The following CNBD1 variants were observed in gnomAD, a reference collection of about 807,000 sequenced individuals.
The protein encoded by CNBD1 is cyclic nucleotide-binding domain-containing protein 1.
CNBD1 carries 71 observed loss-of-function variants against 54.4 expected under a neutral mutation model. The ratio of observed to expected loss-of-function variants is 1.30; its 90% CI spans 1.08 to 1.59. CNBD1 has a LOEUF of 1.59. Among genes scored for constraint, CNBD1 ranks in the 40% most tolerant of loss-of-function variants. CNBD1 has a pLI of 0.00. For missense variants in CNBD1, 659 were observed against 518.0 expected, an observed-to-expected ratio of 1.27 and a Z score of -2.64; for synonymous variants, 182 against 170.7, an observed-to-expected ratio of 1.07 and a Z score of -0.51.
intron 4 of CNBD1, among the ~76,000 whole-genome samples, chr8:86,999,830 C>T (rs1808956148): frequency 1.3e-5 from 2 of 152,154 alleles, no homozygotes; most frequent in East Asian, 1.9e-4. Flanking sequence ...CTCTTCAAAG[C>T]ATCAGTGTTA....
At chr8:87,225,013 TG>T (rs1235455340) in intron 5 of CNBD1, among the ~76,000 whole-genome samples, 1 of 152,082 alleles carries the variant, frequency 6.6e-6, no homozygotes, top group African/African-American at 2.4e-5. Context: ...CAATTGTGAA[TG>T]GGAGTTCACT....
At chr8:87,040,121 A>G (rs1017835862) in intron 4 of CNBD1, among the ~76,000 whole-genome samples, 22 of 152,190 alleles carry the variant, frequency 1.4e-4, no homozygotes, top group African/African-American at 5.1e-4. Flanking sequence ...CTAAACCATA[A>G]TCTCTAATCT....
intron 10 of CNBD1, among the ~76,000 whole-genome samples, chr8:87,356,754 C>G (rs749889559): frequency 3.3e-5 from 5 of 152,182 alleles, no homozygotes; most frequent in Non-Finnish European, 7.3e-5. Flanking sequence ...GGAGCAACAA[C>G]TTGCTAGAGG....
At chr8:87,024,414 AC>A (rs1809581009) in intron 4 of CNBD1, among the ~76,000 whole-genome samples, 1 of 151,440 alleles carries the variant, frequency 6.6e-6, no homozygotes, top group South Asian at 2.1e-4. Context: ...ATCTTGGCTC[AC>A]TGCAACCTTT....
At chr8:87,266,438 C>CTTTTTTTTTTTT (rs72293236) in intron 6 of CNBD1, among the ~76,000 whole-genome samples, 2 of 50,122 alleles carry the variant, frequency 4.0e-5, no homozygotes, top group Non-Finnish European at 3.3e-5. Flanking sequence ...AAAAAAAAAT[C>CTTTTTTTTTTTT]TTTTTTTTTT....
intron 6 of CNBD1, among the ~76,000 whole-genome samples, chr8:87,264,466 C>G (rs935870337): frequency 6.6e-6 from 1 of 152,088 alleles, no homozygotes; most frequent in African/African-American, 2.4e-5. Flanking sequence ...CATACATGTG[C>G]GTGTGTCTTT....
intron 3 of CNBD1, among the ~76,000 whole-genome samples, chr8:86,928,006 A>G (rs1809392619): frequency 6.6e-6 from 1 of 152,044 alleles, no homozygotes; most frequent in Non-Finnish European, 1.5e-5. Flanking sequence ...TGCCACCTTA[A>G]CTGCAGTGGA....
At chr8:87,416,552 T>A (rs560380181) in intron 2 of CNBD1, among the ~76,000 whole-genome samples, 1 of 152,154 alleles carries the variant, frequency 6.6e-6, no homozygotes, top group Admixed American at 6.6e-5. Flanking sequence ...AGAACAGGGT[T>A]GGAGACCCTT....
At chr8:87,280,257 G>C (rs145290695) in intron 6 of CNBD1, among the ~76,000 whole-genome samples, 3 of 151,596 alleles carry the variant, frequency 2.0e-5, no homozygotes, top group African/African-American at 7.2e-5. Context: ...TTTTATAAAG[G>C]CCATTGGAGT....
chr8:87,309,205 A>G (rs929855218), intron 8 of CNBD1, among the ~76,000 whole-genome samples: 1 of 152,170 alleles, frequency 6.6e-6, no homozygotes, highest in African/African-American at 2.4e-5. Flanking sequence ...CCTACCAACA[A>G]TGTATAAGAC....
chr8:87,018,703 T>A (rs1243142768), intron 4 of CNBD1, among the ~76,000 whole-genome samples: 1 of 152,166 alleles, frequency 6.6e-6, no homozygotes, highest in Non-Finnish European at 1.5e-5. Context: ...TCATTTGGCA[T>A]CCTACTGGGC....
intron 4 of CNBD1, among the ~76,000 whole-genome samples, chr8:87,188,895 A>G (rs1273833482): frequency 6.7e-6 from 1 of 149,422 alleles, no homozygotes; most frequent in Non-Finnish European, 1.5e-5. Context: ...TCTGAACCTG[A>G]CATGTAGTTA....
intron 4 of CNBD1, among the ~76,000 whole-genome samples, chr8:86,980,727 C>T (rs573598920): frequency 1.5e-4 from 23 of 152,278 alleles, no homozygotes; most frequent in African/African-American, 5.1e-4. Flanking sequence ...TAAAAGCTGA[C>T]ATTTATTGAG....
chr8:87,017,014 C>A (rs914114982), intron 4 of CNBD1, among the ~76,000 whole-genome samples: 2 of 152,090 alleles, frequency 1.3e-5, no homozygotes, highest in African/African-American at 2.4e-5. Context: ...TACATGGGTA[C>A]CCCTCCCACA....
chr8:87,425,427 G>T (rs567275222), intron 2 of CNBD1, among the ~76,000 whole-genome samples: 1 of 152,188 alleles, frequency 6.6e-6, no homozygotes, highest in Non-Finnish European at 1.5e-5. Context: ...TTTCTGTTCT[G>T]TTTTTTCTCC....
intron 10 of CNBD1, among the ~76,000 whole-genome samples, chr8:87,367,856 T>A (rs555265336): frequency 6.6e-6 from 1 of 152,164 alleles, no homozygotes; most frequent in South Asian, 2.1e-4. Context: ...GAACCATAGA[T>A]TGTCTCAGCA....
At chr8:87,013,827 G>A (rs1044536979) in intron 4 of CNBD1, among the ~76,000 whole-genome samples, 4 of 151,424 alleles carry the variant, frequency 2.6e-5, no homozygotes, top group Admixed American at 6.6e-5. Flanking sequence ...CTGGCACACC[G>A]AACTTTTTCT....
At chr8:87,307,766 A>ATATATATATAT (rs1563546010) in intron 8 of CNBD1, among the ~76,000 whole-genome samples, 5 of 149,142 alleles carry the variant, frequency 3.4e-5, no homozygotes, top group African/African-American at 4.9e-5. Flanking sequence ...ATATATATAT[A>ATATATATATAT]ACTTAGCAAG....
intron 8 of CNBD1, among the ~76,000 whole-genome samples, chr8:87,347,995 T>C (rs1810209194): frequency 6.6e-6 from 1 of 152,224 alleles, no homozygotes; most frequent in Non-Finnish European, 1.5e-5. Context: ...TTCTCTAGAT[T>C]TCCTCAGGTT....
Sources: allele counts gnomAD v4.1 joint callset (sites outside exome capture counted in the v4.1 genomes callset), GRCh38; gene constraint gnomAD v4.1.1; transcripts MANE v1.5; gene names NCBI Gene and HGNC (gene_info 2026-07-23, HGNC 2026-07-21).